The following CSMD1 variants were observed in gnomAD, a reference collection of about 807,000 sequenced individuals.
CSMD1 encodes CUB and Sushi multiple domains 1.
CSMD1 carries 213 observed loss-of-function variants against 417.5 expected under a neutral mutation model. The ratio of observed to expected loss-of-function variants is 0.51; its 90% CI spans 0.46 to 0.57. The LOEUF is 0.57. CSMD1 is among the 20% of genes least tolerant of loss of function. CSMD1 has a pLI of 0.00. For synonymous variants in CSMD1, 2,862 were observed against 1,736.8 expected (o/e 1.65, Z -16.11); for missense variants, 6,923 against 4,529.7 (o/e 1.53, Z -15.17).
intron 1 of CSMD1, among the ~76,000 whole-genome samples, chr8:4,716,392 C>G (rs372393877): frequency 1.3e-5 from 2 of 152,166 alleles, no homozygotes; most frequent in East Asian, 1.9e-4. Context: ...AAGGCCAACA[C>G]AAGGATGGGA....
At chr8:4,875,640 A>C (rs563498112) in intron 1 of CSMD1, among the ~76,000 whole-genome samples, 14 of 152,254 alleles carry the variant, frequency 9.2e-5, no homozygotes, top group African/African-American at 3.4e-4. Flanking sequence ...ATGATTGGAA[A>C]AAGAAGAGAA....
chr8:4,718,331 A>G (rs1192065568), intron 1 of CSMD1, among the ~76,000 whole-genome samples: 3 of 152,176 alleles, frequency 2.0e-5, no homozygotes, highest in Non-Finnish European at 4.4e-5. Flanking sequence ...TATATTAACA[A>G]TCAATTATCA....
chr8:4,738,762 C>G (rs1434683011), intron 1 of CSMD1, among the ~76,000 whole-genome samples: 3 of 151,966 alleles, frequency 2.0e-5, no homozygotes, highest in East Asian at 1.9e-4. Context: ...TTTCTGAATA[C>G]AGGATTAAGC....
intron 41 of CSMD1, among the ~76,000 whole-genome samples, chr8:3,121,056 C>A (rs1273100972): frequency 2.0e-5 from 3 of 151,250 alleles, no homozygotes; most frequent in Non-Finnish European, 4.4e-5. Flanking sequence ...ATGTTCATTG[C>A]AGCATTATTT....
chr8:4,021,737 AT>A (rs1031753358), intron 4 of CSMD1, among the ~76,000 whole-genome samples: 2 of 151,984 alleles, frequency 1.3e-5, no homozygotes, highest in African/African-American at 4.8e-5. Flanking sequence ...CCCTTTACCT[AT>A]CCCCGTCCCC....
intron 5 of CSMD1, among the ~76,000 whole-genome samples, chr8:3,828,964 C>T (rs78462575): frequency 0.026 from 3,900 of 152,280 alleles, 65 homozygotes; most frequent in African/African-American, 0.048. Context: ...CATATGGCAA[C>T]ACAGTTCCTT....
chr8:4,916,220 A>G (rs1806058445), intron 1 of CSMD1, among the ~76,000 whole-genome samples: 1 of 152,240 alleles, frequency 6.6e-6, no homozygotes, highest in African/African-American at 2.4e-5. Context: ...GTAGATGACC[A>G]CAATTATAAA....
intron 4 of CSMD1, among the ~76,000 whole-genome samples, chr8:4,021,751 C>T (rs753194257): frequency 1.3e-5 from 2 of 152,060 alleles, no homozygotes; most frequent in Non-Finnish European, 2.9e-5. Flanking sequence ...CCGTCCCCTC[C>T]CCAATAATCT....
At chr8:3,682,743 G>A (rs768513705) in intron 7 of CSMD1, among the ~76,000 whole-genome samples, 66 of 152,132 alleles carry the variant, frequency 4.3e-4, no homozygotes, top group Non-Finnish European at 8.5e-4. Flanking sequence ...ACATGCACAC[G>A]TATGTTTATT....
At chr8:4,248,577 C>T (rs994237828) in intron 3 of CSMD1, among the ~76,000 whole-genome samples, 2 of 152,198 alleles carry the variant, frequency 1.3e-5, no homozygotes, top group African/African-American at 2.4e-5. Flanking sequence ...AACTCTCTCA[C>T]CTCCTTCAAA....
At chr8:3,630,351 T>G (rs1376817554) in intron 7 of CSMD1, among the ~76,000 whole-genome samples, 1 of 152,048 alleles carries the variant, frequency 6.6e-6, no homozygotes, top group Non-Finnish European at 1.5e-5. Context: ...TCTTGCCCAG[T>G]AAACAGCAGA....
intron 12 of CSMD1, among the ~76,000 whole-genome samples, chr8:3,426,076 A>G (rs1212769648): frequency 6.6e-6 from 1 of 152,244 alleles, no homozygotes; most frequent in Non-Finnish European, 1.5e-5. Context: ...GTGAAAATGT[A>G]AAAAAGCAGA....
intron 5 of CSMD1, among the ~76,000 whole-genome samples, chr8:3,987,628 T>C (rs1046507365): frequency 1.3e-5 from 2 of 152,126 alleles, no homozygotes; most frequent in East Asian, 1.9e-4. Context: ...CTGTGAAGGA[T>C]GAGTAGGGCT....
intron 3 of CSMD1, among the ~76,000 whole-genome samples, chr8:4,068,780 A>G (rs1799391989): frequency 6.6e-6 from 1 of 152,220 alleles, no homozygotes; most frequent in East Asian, 1.9e-4. Flanking sequence ...AACAGATTAG[A>G]ATATTACATA....
intron 7 of CSMD1, among the ~76,000 whole-genome samples, chr8:3,621,747 T>C (rs1283234811): frequency 6.6e-6 from 1 of 151,560 alleles, no homozygotes; most frequent in Admixed American, 6.6e-5. Context: ...TCCCAGCTAA[T>C]GTTTTATTAT....
intron 3 of CSMD1, among the ~76,000 whole-genome samples, chr8:4,323,313 A>G (rs911696293): frequency 3.3e-5 from 5 of 152,304 alleles, no homozygotes; most frequent in Non-Finnish European, 7.3e-5. Context: ...CTTACTCTAT[A>G]TAGTACTTCA....
intron 27 of CSMD1, among the ~76,000 whole-genome samples, chr8:3,229,236 A>C (rs761480619): frequency 6.6e-6 from 1 of 152,116 alleles, no homozygotes; most frequent in Non-Finnish European, 1.5e-5. Flanking sequence ...ACATCAATTA[A>C]ATTTTACATT....
At chr8:4,449,562 C>T (rs1020981236) in intron 2 of CSMD1, among the ~76,000 whole-genome samples, 2 of 152,170 alleles carry the variant, frequency 1.3e-5, no homozygotes, top group African/African-American at 4.8e-5. Context: ...CCAATGGACT[C>T]ATCTAATTAT....
intron 3 of CSMD1, among the ~76,000 whole-genome samples, chr8:4,161,583 G>T (rs1167356480): frequency 6.6e-6 from 1 of 152,048 alleles, no homozygotes; most frequent in Admixed American, 6.6e-5. Context: ...TTCATCAAGC[G>T]GTACATTTTG....
Sources: gnomAD v4.1 joint callset for allele counts (sites outside exome capture counted in the v4.1 genomes callset) on GRCh38, gnomAD v4.1.1 for gene constraint, MANE v1.5 for transcripts, NCBI Gene and HGNC (gene_info 2026-07-23, HGNC 2026-07-21) for gene names.